NLGN1: variants seen among roughly 807,000 people sequenced by gnomAD.
NLGN1 encodes the protein neuroligin-1.
NLGN1 carries 12 observed loss-of-function variants against 65.5 expected under a neutral mutation model. The ratio of observed to expected loss-of-function variants is 0.18; its 90% CI spans 0.12 to 0.30. The LOEUF (loss-of-function observed/expected upper bound fraction) is 0.30, where lower values mean the gene tolerates loss of function less well. Ranked by LOEUF, NLGN1 falls within the 10% of genes least tolerant of loss-of-function variation. NLGN1 has a pLI of 1.00. For missense variants in NLGN1, 750 were observed against 1,007.1 expected (o/e 0.74, Z 3.46); for synonymous variants, 350 against 359.5 (o/e 0.97, Z 0.30).
intron 4 of NLGN1, among the ~76,000 whole-genome samples, chr3:174,181,174 C>A (rs1049049170): frequency 1.4e-4 from 22 of 152,260 alleles, no homozygotes; most frequent in Admixed American, 1.4e-3. Flanking sequence ...GCCCTGCATA[C>A]TGCTGTCACA....
rs571853121 is a variant in NLGN1, at chr3:173,991,984, T to C, written c.646+184152T>C. On this transcript the variant is annotated intron_variant, in intron 4 of 6. Coordinates refer to ENST00000457714, the Ensembl canonical transcript of NLGN1. The stretch of plus-strand genomic sequence containing the variant: ...CTTGGATTACAGGTGCCAGCCACCA[T>C]GTCCGGCTAATTTTTGTATTTTTAG... 1.5e-4 allele frequency among the ~76,000 whole-genome samples: 23 copies of C among 152,230 alleles called. No homozygotes were observed. In the South Asian group the frequency reaches 4.8e-3, roughly 32 times the overall value.
chr3:173,880,276 C>T (rs1732958655), intron 4 of NLGN1, among the ~76,000 whole-genome samples: 1 of 152,050 alleles, frequency 6.6e-6, no homozygotes, highest in East Asian at 1.9e-4. Context: ...CAAATGTAGA[C>T]CTTTTCTAGA....
At chr3:173,870,437 G>A (rs1730957113) in intron 4 of NLGN1, among the ~76,000 whole-genome samples, 2 of 152,080 alleles carry the variant, frequency 1.3e-5, no homozygotes, top group Admixed American at 6.5e-5. Flanking sequence ...AACTAGAAAA[G>A]CAAACAGGGC....
intron 4 of NLGN1, among the ~76,000 whole-genome samples, chr3:173,970,722 A>G (rs1159080896): frequency 6.6e-6 from 1 of 152,116 alleles, no homozygotes; most frequent in Non-Finnish European, 1.5e-5. Context: ...TGACTTGTGC[A>G]TGTTATTTAA....
At chr3:173,796,253 G>A (rs1714040344) in intron 3 of NLGN1, among the ~76,000 whole-genome samples, 1 of 152,030 alleles carries the variant, frequency 6.6e-6, no homozygotes, top group Non-Finnish European at 1.5e-5. Flanking sequence ...AATATGGGTG[G>A]ATAGTAATTA....
At chr3:174,022,849 G>C (rs1419584981) in intron 4 of NLGN1, among the ~76,000 whole-genome samples, 1 of 152,094 alleles carries the variant, frequency 6.6e-6, no homozygotes, top group Non-Finnish European at 1.5e-5. Flanking sequence ...GGGACACAAA[G>C]GGGTTTCTGG....
At chr3:173,945,026 C>T (rs1746893135) in intron 4 of NLGN1, among the ~76,000 whole-genome samples, 1 of 152,008 alleles carries the variant, frequency 6.6e-6, no homozygotes, top group Non-Finnish European at 1.5e-5. Flanking sequence ...CTTTAAGCCC[C>T]CTTTACCTGG....
chr3:173,762,113 A>G (rs571855786), intron 3 of NLGN1, among the ~76,000 whole-genome samples: 27 of 152,224 alleles, frequency 1.8e-4, no homozygotes, highest in African/African-American at 5.8e-4. Context: ...CAGGACAGGA[A>G]TAAGCCAAAG....
At chr3:173,602,905 T>C (rs3913247) in intron 2 of NLGN1, among the ~76,000 whole-genome samples, 132,514 of 152,104 alleles carry the variant, frequency 0.87, 57,826 homozygotes, top group South Asian at 0.93. Flanking sequence ...TGGTCTAAGC[T>C]TGTCTTTTGT....
intron 4 of NLGN1, among the ~76,000 whole-genome samples, chr3:173,932,610 T>A (rs1219443352): frequency 6.6e-6 from 1 of 152,162 alleles, no homozygotes; most frequent in Admixed American, 6.5e-5. Context: ...ATTGTTCAGA[T>A]AGTAACAGCA....
At chr3:173,934,716 GA>G (rs1486073462) in intron 4 of NLGN1, among the ~76,000 whole-genome samples, 1 of 151,870 alleles carries the variant, frequency 6.6e-6, no homozygotes, top group Non-Finnish European at 1.5e-5. Context: ...TATTTTCTCA[GA>G]AAACCTCTTG....
chr3:174,202,841 A>C (rs536506559), intron 4 of NLGN1: 13 of 152,350 alleles, frequency 8.5e-5, no homozygotes, highest in African/African-American at 3.1e-4. Flanking sequence ...CACCCAAGGA[A>C]GTCAATGAGA....
At chr3:173,896,895 T>C (rs1463866929) in intron 4 of NLGN1, among the ~76,000 whole-genome samples, 3 of 152,170 alleles carry the variant, frequency 2.0e-5, no homozygotes, top group Non-Finnish European at 4.4e-5. Flanking sequence ...GCCACACTCA[T>C]TGTTCCTTTT....
intron 4 of NLGN1, among the ~76,000 whole-genome samples, chr3:173,821,254 C>G (rs1720234878): frequency 1.3e-5 from 2 of 152,146 alleles, no homozygotes; most frequent in Non-Finnish European, 2.9e-5. Context: ...CTTCTTGCAT[C>G]TGAGCTTTGA....
At chr3:173,946,491 A>G (rs2152319363) in intron 4 of NLGN1, among the ~76,000 whole-genome samples, 1 of 152,368 alleles carries the variant, frequency 6.6e-6, no homozygotes, top group Non-Finnish European at 1.5e-5. Flanking sequence ...GAGGCAATAC[A>G]GTAATTTACT....
intron 4 of NLGN1, among the ~76,000 whole-genome samples, chr3:174,003,448 G>A (rs1051755263): frequency 6.6e-6 from 1 of 152,080 alleles, no homozygotes; most frequent in Non-Finnish European, 1.5e-5. Flanking sequence ...TAGGTGTATT[G>A]TACACACATT....
intron 4 of NLGN1, among the ~76,000 whole-genome samples, chr3:174,031,398 T>G (rs1729991465): frequency 6.6e-6 from 1 of 152,184 alleles, no homozygotes; most frequent in South Asian, 2.1e-4. Flanking sequence ...TTCATCACCT[T>G]TAGTTTCTGT....
At chr3:173,473,630 A>G (rs1242347333) in intron 2 of NLGN1, among the ~76,000 whole-genome samples, 1 of 152,162 alleles carries the variant, frequency 6.6e-6, no homozygotes, top group Non-Finnish European at 1.5e-5. Flanking sequence ...TTCTTTTTTC[A>G]CCTTCATTCT....
intron 4 of NLGN1, among the ~76,000 whole-genome samples, chr3:173,935,593 T>TACACACACACAC (rs769538665): frequency 4.2e-5 from 6 of 142,688 alleles, no homozygotes; most frequent in African/African-American, 1.6e-4. Context: ...ATATACAGTC[T>TACACACACACAC]ACACACACAC....
Sources: gnomAD v4.1 joint callset for allele counts (sites outside exome capture counted in the v4.1 genomes callset) on GRCh38, gnomAD v4.1.1 for gene constraint, MANE v1.5 for transcripts, NCBI Gene and HGNC (gene_info 2026-07-23, HGNC 2026-07-21) for gene names.